The following PTH2R variants were observed in gnomAD, a reference collection of about 807,000 sequenced individuals.
PTH2R encodes the protein parathyroid hormone 2 receptor, also known as PTH2 receptor.
A neutral mutation model predicts 60.3 loss-of-function variants in PTH2R; 59 were observed. That is an observed-to-expected ratio of 0.98 (90% CI 0.79 to 1.22). The LOEUF is 1.22. PTH2R is among the 50% of genes most tolerant of loss of function. PTH2R has a pLI of 0.00. For missense variants in PTH2R, 749 were observed against 682.6 expected, an observed-to-expected ratio of 1.10 and a Z score of -1.08; for synonymous variants, 256 against 243.8, an observed-to-expected ratio of 1.05 and a Z score of -0.47.
intron 1 of PTH2R, among the ~76,000 whole-genome samples, chr2:208,375,410 G>A (rs1030919399): frequency 1.3e-5 from 2 of 152,108 alleles, no homozygotes; most frequent in Non-Finnish European, 2.9e-5. Context: ...ACACCTAAAT[G>A]TCATTCCACT....
intron 1 of PTH2R, among the ~76,000 whole-genome samples, chr2:208,415,476 A>G (rs1701622706): frequency 6.6e-6 from 1 of 152,178 alleles, no homozygotes; most frequent in Admixed American, 6.5e-5. Flanking sequence ...TTCAAGTGCT[A>G]CATGTATTGC....
intron 1 of PTH2R, among the ~76,000 whole-genome samples, chr2:208,399,836 A>G (rs1006907386): frequency 3.9e-5 from 6 of 152,168 alleles, no homozygotes; most frequent in African/African-American, 1.4e-4. Flanking sequence ...CCAACATAGC[A>G]TGTTTACCAA....
intron 1 of PTH2R, among the ~76,000 whole-genome samples, chr2:208,407,746 C>T (rs1407448297): frequency 6.6e-6 from 1 of 152,146 alleles, no homozygotes; most frequent in Non-Finnish European, 1.5e-5. Context: ...ACAATTCATA[C>T]GCACTTTTTT....
At chr2:208,404,085 T>G (rs1404738300), upstream of PTH2R, among the ~76,000 whole-genome samples, 1 of 152,134 alleles carries the variant, frequency 6.6e-6, no homozygotes, top group East Asian at 1.9e-4. Context: ...GGGGGCATAT[T>G]TTAAAACCTC....
In PTH2R at chr2:208,489,152, T is replaced by C. The variant is rs376529242; in HGVS notation, c.1215+2T>C. ...GAGCTCTTCTTCAACTCCTTTCAGG[T>C]AAAGGGTGCTGCCTAGTCATCTGAT... On this transcript the variant is annotated splice_donor_variant, in intron 11 of 12. Coordinates refer to ENST00000272847, the MANE Select transcript of PTH2R (RefSeq NM_005048.4). LOFTEE classifies it high-confidence loss of function. 6.2e-7 allele frequency: 1 copy of C among 1,613,932 alleles called. No individual in the cohort carries two copies. Among genetic ancestry groups the C allele is most frequent in the Non-Finnish European group, 8.5e-7 (1 of 1,179,900 alleles).
chr2:208,388,705 C>G (rs1042698593), intron 1 of PTH2R, among the ~76,000 whole-genome samples: 1 of 152,108 alleles, frequency 6.6e-6, no homozygotes, highest in South Asian at 2.1e-4. Flanking sequence ...TTGAGTGGAA[C>G]TGGGGAAATA....
intron 10 of PTH2R, among the ~76,000 whole-genome samples, chr2:208,485,403 G>A (rs3820902): frequency 0.58 from 88,686 of 151,962 alleles, 28,006 homozygotes; most frequent in Non-Finnish European, 0.69. Flanking sequence ...TCATCTTATT[G>A]GACAGCTGTG....
chr2:208,459,440 A>T (rs1702586714), intron 8 of PTH2R, among the ~76,000 whole-genome samples: 1 of 152,194 alleles, frequency 6.6e-6, no homozygotes, highest in African/African-American at 2.4e-5. Flanking sequence ...TTCTATGAAT[A>T]AGAATAACTT....
intron 1 of PTH2R, among the ~76,000 whole-genome samples, chr2:208,413,831 G>C (rs1007589013): frequency 1.3e-5 from 2 of 152,152 alleles, no homozygotes; most frequent in South Asian, 4.1e-4. Context: ...GGCCAGTTTT[G>C]GTCAGGAGCA....
Position 208,481,303 on chromosome 2 carries a change from C to T in PTH2R, c.1076+139C>T, listed in dbSNP as rs963807608. On this transcript the variant is annotated intron_variant, in intron 10 of 12. Coordinates refer to ENST00000272847, the MANE Select transcript of PTH2R (RefSeq NM_005048.4). ...GCACAATCTCGGCTCACTCGCCTCC[C>T]GGGTTCAAGCAATTCTCATGCCTCA... 40 of 543,570 alleles carry T rather than the reference C, an allele frequency of 7.4e-5. 1 individual carries two copies. The highest frequency in any genetic ancestry group is 8.6e-5 in the Non-Finnish European group (26 of 302,412). 33.7% of individuals were successfully genotyped at this position (543,570 alleles called of 1,614,324 possible).
chr2:208,428,383 G>A, intron 2 of PTH2R, 80 bp downstream of exon 2: 3 of 960,524 alleles, frequency 3.1e-6, no homozygotes, highest in East Asian at 2.6e-5. Context: ...TCCTTCTTTA[G>A]TGTTAGGGAG....
chr2:208,480,995 T>G, intron 9 of PTH2R, 75 bp from the exon 10 acceptor site: 1 of 1,127,262 alleles, frequency 8.9e-7, no homozygotes, highest in East Asian at 2.7e-5. Flanking sequence ...ATGGAAAAAA[T>G]TTCAATTTAT....
At chr2:208,444,935 A>G in intron 7 of PTH2R, 48 bp downstream of exon 7, 1 of 1,562,490 alleles carries the variant, frequency 6.4e-7, no homozygotes, top group Non-Finnish European at 8.7e-7. Context: ...GATGCATTTG[A>G]TGACATTCTG....
intron 9 of PTH2R, among the ~76,000 whole-genome samples, chr2:208,477,833 A>G (rs1317154608): frequency 1.3e-5 from 2 of 151,078 alleles, no homozygotes; most frequent in Admixed American, 1.3e-4. Context: ...ATACACAAGA[A>G]CCTTTTAATG....
At chr2:208,382,120 G>T (rs780035076) in intron 1 of PTH2R, among the ~76,000 whole-genome samples, 1 of 152,082 alleles carries the variant, frequency 6.6e-6, no homozygotes, top group Non-Finnish European at 1.5e-5. Flanking sequence ...CCATATTGTT[G>T]CATTACCAGT....
intron 1 of PTH2R, among the ~76,000 whole-genome samples, chr2:208,413,221 A>T (rs1701576935): frequency 6.6e-6 from 1 of 152,210 alleles, no homozygotes. Flanking sequence ...TCATTAAATT[A>T]TATTACAAAT....
intron 9 of PTH2R, among the ~76,000 whole-genome samples, chr2:208,475,105 C>A (rs1702970925): frequency 1.3e-5 from 2 of 152,114 alleles, no homozygotes; most frequent in Non-Finnish European, 2.9e-5. Context: ...CATTTAAATC[C>A]ATTTCTTTGG....
chr2:208,366,162 C>T (rs1453772588), intron 1 of PTH2R, among the ~76,000 whole-genome samples: 1 of 150,426 alleles, frequency 6.6e-6, no homozygotes, highest in African/African-American at 2.4e-5. Flanking sequence ...TCAGTGAAGT[C>T]TTCTAGTCCT....
intron 8 of PTH2R, among the ~76,000 whole-genome samples, chr2:208,451,509 TC>T (rs150085545): frequency 5.9e-5 from 9 of 152,264 alleles, no homozygotes; most frequent in African/African-American, 2.2e-4. Flanking sequence ...CAGGGATTGT[TC>T]ATGGCTCTTG....
Sources: gnomAD v4.1 joint callset for allele counts (sites outside exome capture counted in the v4.1 genomes callset) on GRCh38, gnomAD v4.1.1 for gene constraint, MANE v1.5 for transcripts, NCBI Gene and HGNC (gene_info 2026-07-23, HGNC 2026-07-21) for gene names.